The following MTHFD2L variants were observed in gnomAD, a reference collection of about 807,000 sequenced individuals.
MTHFD2L encodes bifunctional methylenetetrahydrofolate dehydrogenase/cyclohydrolase 2, mitochondrial.
Under a neutral mutation model 34.9 loss-of-function variants are expected in MTHFD2L, and 29 were observed. The ratio of observed to expected loss-of-function variants is 0.83; its 90% CI spans 0.62 to 1.13. MTHFD2L has a LOEUF of 1.13. MTHFD2L is among the 50% of genes most tolerant of loss of function. The pLI is 0.00. For synonymous variants in MTHFD2L, 167 were observed against 155.7 expected (o/e 1.07, Z -0.54); for missense variants, 481 against 446.5 (o/e 1.08, Z -0.70).
intron 1 of MTHFD2L, among the ~76,000 whole-genome samples, chr4:74,150,985 T>C (rs1182264885): frequency 6.6e-6 from 1 of 151,932 alleles, no homozygotes; most frequent in Non-Finnish European, 1.5e-5. Context: ...CTATAATATG[T>C]AGTAAAAAAT....
At chr4:74,222,172 G>C (rs908638066) in intron 5 of MTHFD2L, among the ~76,000 whole-genome samples, 19 of 152,070 alleles carry the variant, frequency 1.2e-4, no homozygotes, top group Admixed American at 5.3e-4. Flanking sequence ...TTCTAATTTT[G>C]GTAGTTGCGT....
chr4:74,217,529 A>G (rs1560498454), intron 5 of MTHFD2L, among the ~76,000 whole-genome samples: 1 of 151,754 alleles, frequency 6.6e-6, no homozygotes, highest in Non-Finnish European at 1.5e-5. Flanking sequence ...TTTAAACCAC[A>G]CCGTGACATG....
intron 3 of MTHFD2L, among the ~76,000 whole-genome samples, chr4:74,191,824 T>C (rs1327400330): frequency 6.6e-6 from 1 of 152,126 alleles, no homozygotes; most frequent in Non-Finnish European, 1.5e-5. Context: ...CCCAAAGTGC[T>C]AGGATTACAG....
intron 5 of MTHFD2L, among the ~76,000 whole-genome samples, chr4:74,214,403 G>T (rs111831702): frequency 6.6e-6 from 1 of 151,618 alleles, no homozygotes; most frequent in Non-Finnish European, 1.5e-5. Context: ...TTGTGTGGAC[G>T]TCCTGTTTGT....
intron 1 of MTHFD2L, among the ~76,000 whole-genome samples, chr4:74,146,645 T>C (rs1387649264): frequency 6.6e-6 from 1 of 152,176 alleles, no homozygotes; most frequent in Non-Finnish European, 1.5e-5. Context: ...GTCAAATTCG[T>C]TTGGTGTTCT....
At chr4:74,244,177 A>C (rs1013353588) in intron 6 of MTHFD2L, among the ~76,000 whole-genome samples, 9 of 152,074 alleles carry the variant, frequency 5.9e-5, no homozygotes, top group African/African-American at 1.9e-4. Context: ...GGTGGTAGAG[A>C]TAGAACCATC....
At chr4:74,266,906 C>A (rs1203004423) in intron 6 of MTHFD2L, 2 of 985,228 alleles carry the variant, frequency 2.0e-6, no homozygotes, top group South Asian at 4.7e-5. Context: ...GGCCTCATTT[C>A]TTTGTATTAT....
chr4:74,200,358 A>G (rs1259367019), intron 4 of MTHFD2L, among the ~76,000 whole-genome samples: 1 of 152,084 alleles, frequency 6.6e-6, no homozygotes, highest in Non-Finnish European at 1.5e-5. Context: ...AAAATCCAAA[A>G]TAAAATGAAA....
At chr4:74,278,146 T>A (rs1031440703) in intron 6 of MTHFD2L, among the ~76,000 whole-genome samples, 51 of 152,134 alleles carry the variant, frequency 3.4e-4, no homozygotes, top group Admixed American at 3.3e-3. Context: ...CCAGCTAGTT[T>A]GATAGCAAGT....
At chr4:74,141,021 A>G (rs978633586) in intron 1 of MTHFD2L, among the ~76,000 whole-genome samples, 4 of 152,262 alleles carry the variant, frequency 2.6e-5, no homozygotes, top group African/African-American at 4.8e-5. Context: ...ACCAAATATG[A>G]CAGTACTCAT....
At chr4:74,273,007 G>C (rs1215740631) in intron 6 of MTHFD2L, among the ~76,000 whole-genome samples, 1 of 152,096 alleles carries the variant, frequency 6.6e-6, no homozygotes, top group Non-Finnish European at 1.5e-5. Context: ...AAATCCCTCT[G>C]ATTTCTTATG....
At chr4:74,185,151 CA>C (rs1169021073) in intron 3 of MTHFD2L, among the ~76,000 whole-genome samples, 414 of 15,954 alleles carry the variant, frequency 0.026, no homozygotes, top group African/African-American at 0.056. Flanking sequence ...GACTCCATCT[CA>C]AAAAAAAAAA....
At position 74,267,304 on chromosome 4, in the gene MTHFD2L, C is replaced by A. The variant is rs559692507; in HGVS notation, c.806-14121C>A. 9 of 843,696 alleles carry A rather than the reference C, an allele frequency of 1.1e-5. No individual in the cohort carries two copies. The East Asian group carries it at 4.9e-4, about 46-fold the overall frequency. 52.3% of individuals were successfully genotyped at this position (843,696 alleles called of 1,614,324 possible). On this transcript the variant is annotated intron_variant, in intron 6 of 7. Transcript: ENST00000325278. ...CTATTCTATTCTTTTCTTTTCTTTT[C>A]TTTTCTTTCTTTCTCTTTCTCTCTT...
At chr4:74,139,176 TG>T (rs1478341850) in intron 1 of MTHFD2L, among the ~76,000 whole-genome samples, 1 of 152,204 alleles carries the variant, frequency 6.6e-6, no homozygotes, top group African/African-American at 2.4e-5. Flanking sequence ...GTCTCTTATT[TG>T]GCAGTAGAAT....
intron 3 of MTHFD2L, chr4:74,180,766 C>A: frequency 4.6e-6 from 2 of 432,018 alleles, no homozygotes; most frequent in Non-Finnish European, 9.6e-6. Context: ...AGTAGCTGAC[C>A]CTAAAGCTAA....
At chr4:74,160,595 T>C (rs1223135731) in intron 1 of MTHFD2L, 1 of 152,388 alleles carries the variant, frequency 6.6e-6, no homozygotes, top group African/African-American at 2.4e-5. Flanking sequence ...TTGGGGGAAA[T>C]TAATGTTAAA....
intron 1 of MTHFD2L, chr4:74,140,327 A>T (rs1723200921): frequency 6.0e-6 from 1 of 165,646 alleles, no homozygotes; most frequent in African/African-American, 2.4e-5. Context: ...TATAAAAGAT[A>T]AAAAAATGAA....
At chr4:74,273,138 C>T (rs1005106012) in intron 6 of MTHFD2L, among the ~76,000 whole-genome samples, 2 of 152,096 alleles carry the variant, frequency 1.3e-5, no homozygotes, top group Non-Finnish European at 2.9e-5. Flanking sequence ...CCTGATGTCC[C>T]TGCAAATTTT....
intron 5 of MTHFD2L, among the ~76,000 whole-genome samples, chr4:74,214,603 G>A (rs903547941): frequency 6.6e-6 from 1 of 151,686 alleles, no homozygotes; most frequent in Non-Finnish European, 1.5e-5. Flanking sequence ...AGGGGCCCCC[G>A]CCAGATGCCA....
Sources: allele counts gnomAD v4.1 joint callset (sites outside exome capture counted in the v4.1 genomes callset), GRCh38; gene constraint gnomAD v4.1.1; transcripts MANE v1.5; gene names NCBI Gene and HGNC (gene_info 2026-07-23, HGNC 2026-07-21).